FIP1L1: variants seen among roughly 807,000 people sequenced by gnomAD.
FIP1L1 encodes the protein pre-mRNA 3'-end-processing factor FIP1.
FIP1L1 carries 21 observed loss-of-function variants against 84.6 expected under a neutral mutation model. The observed-to-expected ratio is 0.25, with a 90% CI of 0.18 to 0.36. FIP1L1 has a LOEUF of 0.36. FIP1L1 is among the 10% of genes least tolerant of loss of function. FIP1L1 has a pLI of 1.00. For synonymous variants in FIP1L1, 263 were observed against 242.3 expected, an observed-to-expected ratio of 1.09 and a Z score of -0.80; for missense variants, 526 against 751.1, an observed-to-expected ratio of 0.70 and a Z score of 3.50.
chr4:53,422,434 A>C (rs1192180537), intron 11 of FIP1L1, among the ~76,000 whole-genome samples: 3 of 151,962 alleles, frequency 2.0e-5, no homozygotes, highest in Non-Finnish European at 4.4e-5. Flanking sequence ...TTAGACTCAG[A>C]GGAGAATCTT....
intron 11 of FIP1L1, among the ~76,000 whole-genome samples, chr4:53,424,036 G>C (rs1258586148): frequency 6.6e-6 from 1 of 152,122 alleles, no homozygotes; most frequent in Non-Finnish European, 1.5e-5. Context: ...TGGAGAATTT[G>C]CTATCTGACT....
chr4:53,425,514 T>C (rs1368463849), intron 11 of FIP1L1, among the ~76,000 whole-genome samples: 2 of 152,108 alleles, frequency 1.3e-5, no homozygotes, highest in Non-Finnish European at 2.9e-5. Context: ...TGTGTTACAA[T>C]TGTAGTGGTC....
At chr4:53,393,473 A>C (rs1052755147) in intron 9 of FIP1L1, among the ~76,000 whole-genome samples, 1 of 152,366 alleles carries the variant, frequency 6.6e-6, no homozygotes, top group South Asian at 2.1e-4. Flanking sequence ...CTTATCATAC[A>C]GCTTCAACAC....
chr4:53,393,686 A>G (rs1409356688), intron 9 of FIP1L1, among the ~76,000 whole-genome samples: 1 of 150,584 alleles, frequency 6.6e-6, no homozygotes, highest in East Asian at 2.0e-4. Context: ...ACATGTATGT[A>G]TGAGAAAACG....
intron 15 of FIP1L1, among the ~76,000 whole-genome samples, chr4:53,451,932 G>A (rs1205690764): frequency 7.3e-5 from 11 of 150,548 alleles, no homozygotes; most frequent in African/African-American, 1.7e-4. Flanking sequence ...TGCCCAGTCC[G>A]GAGTATAGTG....
At chr4:53,387,430 A>T (rs1741699000) in intron 5 of FIP1L1, among the ~76,000 whole-genome samples, 1 of 152,254 alleles carries the variant, frequency 6.6e-6, no homozygotes, top group Non-Finnish European at 1.5e-5. Flanking sequence ...CCCACCTCCC[A>T]CAAAACAGAT....
intron 5 of FIP1L1, among the ~76,000 whole-genome samples, chr4:53,387,869 G>A (rs981813948): frequency 1.3e-5 from 2 of 152,166 alleles, no homozygotes; most frequent in East Asian, 1.9e-4. Context: ...TGTAAACATC[G>A]TGAAGGCAGG....
At chr4:53,409,845 A>T (rs1578503323) in intron 10 of FIP1L1, among the ~76,000 whole-genome samples, 1 of 152,200 alleles carries the variant, frequency 6.6e-6, no homozygotes, top group East Asian at 1.9e-4. Flanking sequence ...CCATTGGAAA[A>T]GCGCAGTATT....
intron 9 of FIP1L1, among the ~76,000 whole-genome samples, chr4:53,394,157 CTT>C (rs1347743943): frequency 1.3e-5 from 2 of 152,084 alleles, no homozygotes; most frequent in African/African-American, 4.8e-5. Flanking sequence ...AATGCAATAT[CTT>C]TTTCCCTCCT....
chr4:53,445,384 C>T (rs1341319544), intron 15 of FIP1L1, among the ~76,000 whole-genome samples: 1 of 152,080 alleles, frequency 6.6e-6, no homozygotes, highest in Non-Finnish European at 1.5e-5. Context: ...CCCTACTCTT[C>T]CTAGTTCTTA....
At chr4:53,440,435 C>T (rs373363239) in intron 13 of FIP1L1, 10 of 550,948 alleles carry the variant, frequency 1.8e-5, no homozygotes, top group South Asian at 4.6e-5. Context: ...TAGTCCTCTA[C>T]GAGAAAACAG....
chr4:53,415,269 G>A (rs1371555706), intron 11 of FIP1L1, among the ~76,000 whole-genome samples: 1 of 152,066 alleles, frequency 6.6e-6, no homozygotes, highest in Non-Finnish European at 1.5e-5. Context: ...TTTGTGTTCT[G>A]AATCTTAAAT....
At chr4:53,405,233 C>A (rs1242664280) in intron 10 of FIP1L1, among the ~76,000 whole-genome samples, 1 of 151,966 alleles carries the variant, frequency 6.6e-6, no homozygotes, top group Admixed American at 6.6e-5. Flanking sequence ...ATATGGCTAG[C>A]CAGTTTTCCC....
intron 17 of FIP1L1, among the ~76,000 whole-genome samples, chr4:53,459,095 T>G (rs1183320476): frequency 6.6e-6 from 1 of 152,106 alleles, no homozygotes; most frequent in Non-Finnish European, 1.5e-5. Flanking sequence ...TGAGATAATA[T>G]CAGTGAAGAT....
intron 11 of FIP1L1, among the ~76,000 whole-genome samples, chr4:53,420,746 A>G (rs1762086259): frequency 6.6e-6 from 1 of 152,204 alleles, no homozygotes; most frequent in South Asian, 2.1e-4. Flanking sequence ...ATTTCAGACC[A>G]GTCATGTTGC....
chr4:53,436,450 A>G (rs1769241258), intron 13 of FIP1L1, among the ~76,000 whole-genome samples: 1 of 152,224 alleles, frequency 6.6e-6, no homozygotes, highest in Non-Finnish European at 1.5e-5. Flanking sequence ...TTGCTTAATC[A>G]AAGCATGTAA....
At chr4:53,449,183 C>T (rs1158911267) in intron 15 of FIP1L1, among the ~76,000 whole-genome samples, 1 of 151,642 alleles carries the variant, frequency 6.6e-6, no homozygotes, top group Non-Finnish European at 1.5e-5. Context: ...ATTATAATGT[C>T]GAAGTACTCA....
chr4:53,388,159 A>G (rs1742114645), intron 5 of FIP1L1, among the ~76,000 whole-genome samples: 1 of 152,224 alleles, frequency 6.6e-6, no homozygotes, highest in African/African-American at 2.4e-5. Flanking sequence ...AAATGTAACT[A>G]AACCTAAGTC....
At chr4:53,420,197 CAA>C (rs1166566869) in intron 11 of FIP1L1, among the ~76,000 whole-genome samples, 35 of 17,518 alleles carry the variant, frequency 2.0e-3, no homozygotes, top group African/African-American at 6.0e-3. Flanking sequence ...GACTCCGTCT[CAA>C]AAAAAAAAAA....
Sources: gnomAD v4.1 joint callset for allele counts (sites outside exome capture counted in the v4.1 genomes callset) on GRCh38, gnomAD v4.1.1 for gene constraint, MANE v1.5 for transcripts, NCBI Gene and HGNC (gene_info 2026-07-23, HGNC 2026-07-21) for gene names.